The following ZNF112 variants were observed in gnomAD, a reference collection of about 807,000 sequenced individuals.
ZNF112 encodes the protein zinc finger protein 112 (Y14).
Under a neutral mutation model 77.7 loss-of-function variants are expected in ZNF112, and 37 were observed. That is an observed-to-expected ratio of 0.48 (90% confidence interval 0.37 to 0.63). The LOEUF (loss-of-function observed/expected upper bound fraction) is 0.63, where lower values mean the gene tolerates loss of function less well. Ranked by LOEUF, ZNF112 falls within the 20% of genes least tolerant of loss-of-function variation. The probability of loss-of-function intolerance (pLI) is 0.00; values close to 1 mark genes in which losing one functional copy is unlikely to be tolerated. For synonymous variants in ZNF112, 333 were observed against 363.6 expected, an observed-to-expected ratio of 0.92 and a Z score of 0.96; for missense variants, 950 against 1,077.4, an observed-to-expected ratio of 0.88 and a Z score of 1.66.
intron 1 of ZNF112, among the ~76,000 whole-genome samples, chr19:44,342,059 G>A: frequency 6.6e-6 from 1 of 152,088 alleles, no homozygotes; most frequent in Non-Finnish European, 1.5e-5. Flanking sequence ...CAGTCATCTG[G>A]GGCCATGAAT....
At chr19:44,343,246 C>A in intron 1 of ZNF112, 1 of 1,612,900 alleles carries the variant, frequency 6.2e-7, no homozygotes, top group South Asian at 1.1e-5. Flanking sequence ...AAATGAAAAC[C>A]AGCTCACCTG....
At chr19:44,334,682 G>C (rs1970332962) in intron 3 of ZNF112, among the ~76,000 whole-genome samples, 1 of 152,220 alleles carries the variant, frequency 6.6e-6, no homozygotes, top group South Asian at 2.1e-4. Flanking sequence ...GGCTAAAAGG[G>C]GCCAAGGTAT....
chr19:44,362,874 C>A (rs1970867597), intron 1 of ZNF112, among the ~76,000 whole-genome samples: 1 of 152,100 alleles, frequency 6.6e-6, no homozygotes, highest in South Asian at 2.1e-4. Flanking sequence ...GTCTTTCTGG[C>A]AAAATGTGTG....
chr19:44,329,826 T>C lies in ZNF112; in HGVS notation c.331A>G (p.Ile111Val). ...QTWQQSAGGL[I>V]RCQDFLKVFQ... ...ACTTTCAGGAAATCTTGACACCTGA[T>C]TAACCCACCTGCACTTTGTTGCCAG... The change falls in exon 4 of 4, where the codon ATC (isoleucine) becomes GTC (valine). Residue 111 changes from isoleucine (I) to valine (V), a missense_variant. Physicochemically the swap from Ile to Val is conservative, Grantham distance 29. Coordinates refer to ENST00000354340, the MANE Select transcript of ZNF112 (RefSeq NM_013380.4). The C allele has an allele frequency of 6.2e-7, 1 of 1,613,946 alleles. No homozygotes were observed. Among genetic ancestry groups the C allele is most frequent in the Non-Finnish European group, 8.5e-7 (1 of 1,179,996 alleles).
chr19:44,367,205 T>C, exon 1 of ZNF112: 1 of 453,066 alleles, frequency 2.2e-6, no homozygotes, highest in Non-Finnish European at 4.4e-6. Context: ...AAAGGAATGA[T>C]GACCTCACTT....
chr19:44,343,180 A>G, intron 1 of ZNF112: 13 of 1,537,300 alleles, frequency 8.5e-6, no homozygotes, highest in Non-Finnish European at 1.2e-5. Context: ...TTGGCAAAGA[A>G]GGGGGAAAAA....
In ZNF112 at chr19:44,327,716, A is replaced by T. The variant is rs1277784683; in HGVS notation, c.2441T>A (p.Leu814His). 5 of 1,613,520 alleles carry T rather than the reference A, an allele frequency of 3.1e-6. No homozygotes were observed. Among genetic ancestry groups the T allele is most frequent in the Non-Finnish European group, 4.2e-6 (5 of 1,179,866 alleles). ...CGKGFSGYSS[L>H]QAHHRVHTGE... ...TGTGTGGACTCTGTGATGGGCTTGA[A>T]GACTTGAATACCCACTGAAACCCTT... Residue 814 changes from leucine (L) to histidine (H), a missense_variant, in exon 4 of 4, where the codon CTT becomes CAT. By Grantham distance (99) the Leu-to-His change is moderately conservative (BLOSUM62 -3). Around this residue, in one of 3 missense-constraint regions of ZNF112, gnomAD observed 373 missense variants for 482.8 expected, o/e 0.77. Transcript: ENST00000354340.
At position 44,349,892 on chromosome 19, in the gene ZNF112, ATAAAT is replaced by A. The variant is rs1970661730; in HGVS notation, c.-4+6729_-4+6733del. Among the ~76,000 whole-genome samples, 3 of 152,076 alleles carry A rather than the reference ATAAAT, an allele frequency of 2.0e-5. No homozygotes were observed. In the South Asian group the frequency reaches 6.2e-4, roughly 31 times the overall value. Reference sequence around the variant, plus strand: ...TTAAAATACAAGGGAAATGATTCTGATAAATTTATTTGGCTCTTGATTTCACAGAT... The same window carrying A: ...TTAAAATACAAGGGAAATGATTCTGATTATTTGGCTCTTGATTTCACAGAT... On this transcript the variant is annotated intron_variant, in intron 1 of 3. Coordinates refer to ENST00000354340, the MANE Select transcript of ZNF112 (RefSeq NM_013380.4).
At chr19:44,343,178 G>A in intron 1 of ZNF112, 1 of 1,531,436 alleles carries the variant, frequency 6.5e-7, no homozygotes, top group South Asian at 1.2e-5. Context: ...CCTTGGCAAA[G>A]AAGGGGGAAA....
At chr19:44,335,233 C>T (rs1026426563) in intron 3 of ZNF112, among the ~76,000 whole-genome samples, 2 of 152,182 alleles carry the variant, frequency 1.3e-5, no homozygotes, top group East Asian at 1.9e-4. Flanking sequence ...GGGCCTGCAG[C>T]CCCTTTGTTT....
At chr19:44,336,852 T>C in intron 2 of ZNF112, 134 bp from the exon 3 acceptor site, 1 of 624,792 alleles carries the variant, frequency 1.6e-6, no homozygotes, top group Non-Finnish European at 2.8e-6. Context: ...TTCCACTCAC[T>C]ATAAGAAACT....
At chr19:44,365,886 C>A (rs1970899254) in intron 1 of ZNF112, among the ~76,000 whole-genome samples, 3 of 152,120 alleles carry the variant, frequency 2.0e-5, no homozygotes, top group African/African-American at 7.2e-5. Flanking sequence ...TCTCCAGGAC[C>A]CAGCTGGGCT....
intron 1 of ZNF112, among the ~76,000 whole-genome samples, chr19:44,349,185 T>C (rs1026265398): frequency 2.6e-5 from 4 of 152,082 alleles, no homozygotes; most frequent in African/African-American, 9.6e-5. Context: ...AGTTCATAGG[T>C]GGCACTCTCA....
rs754128447 is a variant in ZNF112 at position 44,329,127 on chromosome 19, C to G, written c.1030G>C (p.Glu344Gln). ...FNHCSPLNTY[E>Q]LIHTGEMSYR... ...GACATCTCACCTGTGTGGATAAGTT[C>G]ATAAGTGTTAAGAGGGGAACAGTGA... The change falls in exon 4 of 4, where the codon GAA becomes CAA. Residue 344 changes from glutamate (E) to glutamine (Q), a missense_variant. Transcript: ENST00000354340. 1 of 1,613,890 alleles carries G rather than the reference C, an allele frequency of 6.2e-7. No individual in the cohort carries two copies. The highest frequency in any genetic ancestry group is 8.5e-7 in the Non-Finnish European group (1 of 1,179,986).
At chr19:44,336,872 A>G (rs1379774061) in intron 2 of ZNF112, among the ~76,000 whole-genome samples, 154 bp from the exon 3 acceptor site, 1 of 149,294 alleles carries the variant, frequency 6.7e-6, no homozygotes, top group Non-Finnish European at 1.5e-5. Flanking sequence ...TAACTTCATG[A>G]TTTTCTTTTT....
At position 44,329,313 on chromosome 19, in the gene ZNF112, A is replaced by G. The variant is rs142784112; in HGVS notation, c.844T>C (p.Tyr282His). 12 of 1,613,908 alleles carry G rather than the reference A, an allele frequency of 7.4e-6. No homozygotes were observed. The highest frequency in any genetic ancestry group is 1.0e-5 in the Non-Finnish European group (12 of 1,179,988). The change falls in exon 4 of 4, where the codon TAC becomes CAC. Residue 282 changes from tyrosine (Y) to histidine (H), a missense_variant. Tyr to His is a moderately conservative substitution (Grantham distance 83, BLOSUM62 2). Around this residue, in one of 3 missense-constraint regions of ZNF112, gnomAD observed 560 missense variants for 557.3 expected, o/e 1.00. Transcript: ENST00000354340. ...QFHLEGKPYT[Y>H]SSCGKGCNYS... ...TTACAGCCCTTTCCACATGAACTGTATGTATAGGGCTTCCCTTCCAAGTGG... is the reference window on the plus strand; with the variant it reads ...TTACAGCCCTTTCCACATGAACTGTGTGTATAGGGCTTCCCTTCCAAGTGG...
In ZNF112 at chr19:44,327,631, A is replaced by G. The variant is rs1356627340; in HGVS notation, c.2526T>C (p.Leu842=). The change falls in exon 4 of 4, where the codon CTT becomes CTC. Residue 842 remains leucine (L), a synonymous_variant. Transcript: ENST00000354340. ...CGKGFSQRSN[L]QAHQRVHTGE... ...CTGTGTGGACTCTCTGGTGAGCCTG[A>G]AGATTTGATCTCTGACTGAAGCCCT... 2 of 1,614,052 alleles carry G rather than the reference A, an allele frequency of 1.2e-6. No homozygotes were observed. Among genetic ancestry groups the G allele is most frequent in the Non-Finnish European group, 1.7e-6 (2 of 1,179,976 alleles).
At chr19:44,360,170 C>T (rs1471446822), upstream of ZNF112, among the ~76,000 whole-genome samples, 2 of 150,472 alleles carry the variant, frequency 1.3e-5, no homozygotes, top group Admixed American at 6.6e-5. Flanking sequence ...GTGGGAGAAT[C>T]GCTTGAACCT....
chr19:44,359,761 C>T (rs1487005586), upstream of ZNF112, among the ~76,000 whole-genome samples: 1 of 152,134 alleles, frequency 6.6e-6, no homozygotes, highest in Non-Finnish European at 1.5e-5. Context: ...AATCAAACCA[C>T]TTTTAAGTAA....
Sources: gnomAD v4.1 joint callset for allele counts (sites outside exome capture counted in the v4.1 genomes callset) on GRCh38, gnomAD v4.1.1 for gene constraint, gnomAD v4.1.1 regional missense constraint, MANE v1.5 for transcripts, NCBI Gene and HGNC (gene_info 2026-07-23, HGNC 2026-07-21) for gene names.